Variants in TNFRSF8 observed in about 807,000 individuals in gnomAD.
TNFRSF8 encodes tumor necrosis factor receptor superfamily member 8.
In TNFRSF8, 26 loss-of-function variants were observed where a neutral mutation model predicts 70.8. That is an observed-to-expected ratio of 0.37 (90% CI 0.27 to 0.51). The LOEUF (loss-of-function observed/expected upper bound fraction) is 0.51, where lower values mean the gene tolerates loss of function less well. Ranked by LOEUF, TNFRSF8 falls within the 20% of genes least tolerant of loss-of-function variation. The pLI is 0.94. For synonymous variants in TNFRSF8, 356 were observed against 339.2 expected (o/e 1.05, Z -0.54); for missense variants, 720 against 807.9 (o/e 0.89, Z 1.32).
chr1:12,125,182 A>G (rs1198521405), intron 10 of TNFRSF8, among the ~76,000 whole-genome samples: 2 of 152,238 alleles, frequency 1.3e-5, no homozygotes, highest in Non-Finnish European at 2.9e-5. Flanking sequence ...CTAAACATGG[A>G]CTTCAATAAA....
At position 12,144,147 on chromosome 1, in the gene TNFRSF8, A is replaced by G. The variant is rs1308725721; in HGVS notation, c.*1616A>G. On this transcript the variant is annotated 3_prime_UTR_variant, in exon 15 of 15. Transcript: ENST00000263932. ...AACAAAATAATGCACTTCCTTACCT[A>G]GTGGCCCTTCACACAACTTTTGAAT... 6.6e-6 allele frequency: 1 copy of G among 152,266 alleles called. No homozygotes were observed. The highest frequency in any genetic ancestry group is 2.4e-5 in the African/African-American group (1 of 41,468). The allele number at this position is 152,266 out of a possible 1,614,324, so 9.4% of individuals were successfully genotyped here.
In TNFRSF8 at chr1:12,138,598, G is replaced by C. The variant is rs578115008; in HGVS notation, c.1543+162G>C. On this transcript the variant is annotated intron_variant, in intron 14 of 14. Coordinates refer to ENST00000263932, the MANE Select transcript of TNFRSF8 (RefSeq NM_001243.5). The surrounding 1 kb of genome is among the most constrained non-coding windows in gnomAD (Gnocchi z 5.7). ...CCCAATTGAAGTTTCTGTAAGTAGGGACAGCGAGGGTACTTACCTCGTAGG... is the reference window on the plus strand; with the variant it reads ...CCCAATTGAAGTTTCTGTAAGTAGGCACAGCGAGGGTACTTACCTCGTAGG... Among the ~76,000 whole-genome samples the C allele has an allele frequency of 6.6e-6, 1 of 152,328 alleles. No individual in the cohort carries two copies. Among genetic ancestry groups the C allele is most frequent in the South Asian group, 2.1e-4 (1 of 4,822 alleles).
At chr1:12,131,450 AAAACAAACAAAC>A (rs928397317) in intron 12 of TNFRSF8, among the ~76,000 whole-genome samples, 1 of 152,206 alleles carries the variant, frequency 6.6e-6, no homozygotes, top group African/African-American at 2.4e-5. Context: ...CCTCCGTCTC[AAAACAAACAAAC>A]AAACAAACAA....
intron 1 of TNFRSF8, among the ~76,000 whole-genome samples, chr1:12,082,557 A>AAC (rs1553153704): frequency 1.3e-5 from 2 of 150,962 alleles, no homozygotes; most frequent in African/African-American, 4.9e-5. Flanking sequence ...CTCAAAAAAA[A>AAC]AAAAAACAAA....
At chr1:12,128,833 CT>C (rs60878706) in intron 12 of TNFRSF8, among the ~76,000 whole-genome samples, 4,668 of 111,656 alleles carry the variant, frequency 0.042, 79 homozygotes, top group Non-Finnish European at 0.053. Flanking sequence ...GTCTAAAATT[CT>C]TTTTTTTTTT....
chr1:12,130,638 A>T (rs144291672), intron 12 of TNFRSF8, among the ~76,000 whole-genome samples: 15 of 152,308 alleles, frequency 9.8e-5, no homozygotes, highest in African/African-American at 3.6e-4. Flanking sequence ...GATGGAAGGG[A>T]CCGAGAGCTT....
In TNFRSF8 at chr1:12,141,038, T is replaced by A. The variant is rs1280423984; in HGVS notation, c.1544-1249T>A. Reference sequence around the variant, plus strand: ...CCAGCCCATAGCCTGTCCCGCACTCTGGGCCTTCTCCTCTTGCTGCCGTTT... The same window carrying A: ...CCAGCCCATAGCCTGTCCCGCACTCAGGGCCTTCTCCTCTTGCTGCCGTTT... On this transcript the variant is annotated intron_variant, in intron 14 of 14. Transcript: ENST00000263932. The surrounding 1 kb of genome is among the most constrained non-coding windows in gnomAD (Gnocchi z 5.4). Among the ~76,000 whole-genome samples, 2 of 152,260 alleles carry A rather than the reference T, an allele frequency of 1.3e-5. No individual in the cohort carries two copies. Among genetic ancestry groups the A allele is most frequent in the Non-Finnish European group, 2.9e-5 (2 of 68,042 alleles).
chr1:12,080,872 T>A (rs1641052559), intron 1 of TNFRSF8, among the ~76,000 whole-genome samples: 1 of 152,232 alleles, frequency 6.6e-6, no homozygotes, highest in African/African-American at 2.4e-5. Context: ...GGGATTTTTT[T>A]ATTTTAAAGA....
At chr1:12,068,038 A>C (rs1050857587) in intron 1 of TNFRSF8, among the ~76,000 whole-genome samples, 3 of 152,052 alleles carry the variant, frequency 2.0e-5, no homozygotes, top group African/African-American at 7.2e-5. Flanking sequence ...GAGAGCAGTG[A>C]GTGCCGGAAG....
rs1027878725 is a variant in TNFRSF8 at position 12,108,768 on chromosome 1, G to A, written c.422-798G>A. On this transcript the variant is annotated intron_variant, in intron 4 of 14. Coordinates refer to ENST00000263932, the MANE Select transcript of TNFRSF8 (RefSeq NM_001243.5). This position sits in a 1 kb window ranked among gnomAD's most constrained non-coding sequence, Gnocchi z 4.0. ...GCAGAGGTTGCAGTGAGCTGAGATT[G>A]CATCACTGCACTCCAGCCTGGGCGA... is the stretch of plus-strand genomic sequence containing the variant. Among the ~76,000 whole-genome samples, 1 of 152,142 alleles carries A rather than the reference G, an allele frequency of 6.6e-6. No individual in the cohort carries two copies. The highest frequency in any genetic ancestry group is 1.5e-5 in the Non-Finnish European group (1 of 68,008).
At chr1:12,134,858 T>C (rs553294711) in intron 12 of TNFRSF8, among the ~76,000 whole-genome samples, 1 of 152,054 alleles carries the variant, frequency 6.6e-6, no homozygotes, top group African/African-American at 2.4e-5. Flanking sequence ...CTCCACACCC[T>C]GGAGACAGTA....
rs1641788989 is a variant in TNFRSF8 at position 12,119,321 on chromosome 1, C to T, written c.946+3592C>T. Among the ~76,000 whole-genome samples the T allele has an allele frequency of 6.6e-6, 1 of 152,136 alleles. No homozygotes were observed. Among genetic ancestry groups the T allele is most frequent in the South Asian group, 2.1e-4 (1 of 4,830 alleles). ...CCCACCAGCCACAGGTCTTTGGCAC[C>T]CCAAAGTGCTCCAGGCGTCTCCCCC... On this transcript the variant is annotated intron_variant, in intron 8 of 14. Transcript: ENST00000263932. This position sits in a 1 kb window ranked among gnomAD's most constrained non-coding sequence, Gnocchi z 4.4.
chr1:12,073,458 C>T (rs941638197), intron 1 of TNFRSF8, among the ~76,000 whole-genome samples: 4 of 147,770 alleles, frequency 2.7e-5, no homozygotes, highest in African/African-American at 1.1e-4. Context: ...TTCCTTCCTT[C>T]CTTTCTTCTT....
chr1:12,116,676 C>CT (rs1262447057), intron 8 of TNFRSF8, among the ~76,000 whole-genome samples: 1 of 151,982 alleles, frequency 6.6e-6, no homozygotes, highest in Non-Finnish European at 1.5e-5. Context: ...TGGTGGGCAC[C>CT]GTAGTCCCAG....
At chr1:12,107,084 C>T (rs11121863) in intron 4 of TNFRSF8, among the ~76,000 whole-genome samples, 3,271 of 152,316 alleles carry the variant, frequency 0.021, 120 homozygotes, top group African/African-American at 0.073. Context: ...GCCCGTGGCA[C>T]GTGGCCACGC....
intron 12 of TNFRSF8, among the ~76,000 whole-genome samples, chr1:12,131,556 A>G (rs1324135925): frequency 1.3e-5 from 2 of 152,156 alleles, no homozygotes; most frequent in Non-Finnish European, 2.9e-5. Context: ...CTGGAGTGCC[A>G]TGGTACAATC....
rs1365404444 is a variant in TNFRSF8, at chr1:12,141,696, G to T, written c.1544-591G>T. ...GTAGTAGAACCAGGAATGTTCCCGG[G>T]CAAGCTGGACAAGTTGGTCACCCCG... On this transcript the variant is annotated intron_variant, in intron 14 of 14. Coordinates refer to ENST00000263932, the MANE Select transcript of TNFRSF8 (RefSeq NM_001243.5). This position sits in a 1 kb window ranked among gnomAD's most constrained non-coding sequence, Gnocchi z 5.4. 6.6e-6 allele frequency among the ~76,000 whole-genome samples: 1 copy of T among 152,234 alleles called. No individual in the cohort carries two copies. Among genetic ancestry groups the T allele is most frequent in the Non-Finnish European group, 1.5e-5 (1 of 68,034 alleles).
chr1:12,074,627 T>A (rs1033141942), intron 1 of TNFRSF8, among the ~76,000 whole-genome samples: 1 of 152,156 alleles, frequency 6.6e-6, no homozygotes, highest in Non-Finnish European at 1.5e-5. Flanking sequence ...AAAGGTTCTA[T>A]GGCCAACGAA....
chr1:12,074,310 C>G (rs1167395016), intron 1 of TNFRSF8, among the ~76,000 whole-genome samples: 1 of 151,212 alleles, frequency 6.6e-6, no homozygotes, highest in Non-Finnish European at 1.5e-5. Flanking sequence ...GACAGAATCT[C>G]ACTCTGTCAC....
Sources: allele counts gnomAD v4.1 joint callset (sites outside exome capture counted in the v4.1 genomes callset), GRCh38; gene constraint gnomAD v4.1.1; non-coding constraint Gnocchi (gnomAD v3.1); transcripts MANE v1.5; gene names NCBI Gene and HGNC (gene_info 2026-07-23, HGNC 2026-07-21).